DISP1: variants seen among roughly 807,000 people sequenced by gnomAD.
DISP1 encodes the protein protein dispatched homolog 1.
DISP1 carries 30 observed loss-of-function variants against 37.3 expected under a neutral mutation model. The observed-to-expected ratio is 0.80, with a 90% CI of 0.60 to 1.09. The LOEUF (loss-of-function observed/expected upper bound fraction) is 1.09. Among genes scored for constraint, DISP1 ranks in the 50% least tolerant of loss-of-function variants. DISP1 has a pLI of 0.00. For missense variants in DISP1, 1,598 were observed against 1,879.5 expected, an observed-to-expected ratio of 0.85 and a Z score of 2.77; for synonymous variants, 634 against 690.2, an observed-to-expected ratio of 0.92 and a Z score of 1.28.
intron 1 of DISP1, among the ~76,000 whole-genome samples, chr1:222,870,819 A>G (rs554718154): frequency 6.6e-6 from 1 of 151,706 alleles, no homozygotes; most frequent in East Asian, 1.9e-4. Context: ...TCAATTTTGG[A>G]TTTTGTTGCC....
intron 8 of DISP1, 122 bp downstream of exon 8, chr1:222,995,104 A>T: frequency 1.3e-6 from 1 of 766,900 alleles, no homozygotes; most frequent in East Asian, 2.5e-5. Context: ...CCTACTGAGG[A>T]GTAAACTCCA....
At chr1:222,992,366 A>C (rs1678764937) in intron 7 of DISP1, among the ~76,000 whole-genome samples, 1 of 152,212 alleles carries the variant, frequency 6.6e-6, no homozygotes. Context: ...GGAAGATATA[A>C]ATCTAATGAA....
chr1:222,823,672 A>T (rs968063636), intron 1 of DISP1, among the ~76,000 whole-genome samples: 25 of 152,212 alleles, frequency 1.6e-4, no homozygotes, highest in African/African-American at 6.0e-4. Context: ...TATGCAAATA[A>T]ATAAAAATAA....
intron 1 of DISP1, among the ~76,000 whole-genome samples, chr1:222,922,086 C>T (rs142815140): frequency 6.4e-4 from 98 of 152,236 alleles, no homozygotes; most frequent in Non-Finnish European, 1.1e-3. Context: ...GAGACTAGCA[C>T]AAGCACTGAG....
intron 1 of DISP1, among the ~76,000 whole-genome samples, chr1:222,892,044 GT>G (rs1670973895): frequency 6.6e-6 from 1 of 152,008 alleles, no homozygotes; most frequent in African/African-American, 2.4e-5. Context: ...ATAAAGATAC[GT>G]AAGAGAAGTG....
chr1:222,852,144 A>G (rs1668281987), intron 1 of DISP1, among the ~76,000 whole-genome samples: 1 of 152,142 alleles, frequency 6.6e-6, no homozygotes, highest in African/African-American at 2.4e-5. Flanking sequence ...AGATCGCGCC[A>G]TCGCACTCCA....
chr1:222,974,593 T>G (rs1426690896), intron 3 of DISP1, among the ~76,000 whole-genome samples: 1 of 152,198 alleles, frequency 6.6e-6, no homozygotes, highest in East Asian at 1.9e-4. Flanking sequence ...TTAACAGTTC[T>G]AGACACCAAG....
chr1:222,864,480 AT>A (rs571929663), intron 1 of DISP1, among the ~76,000 whole-genome samples: 2 of 150,722 alleles, frequency 1.3e-5, no homozygotes, highest in South Asian at 2.1e-4. Flanking sequence ...GAGTCCTCTC[AT>A]TTTTTTTTGC....
At chr1:222,978,688 A>C (rs1407568896) in intron 3 of DISP1, among the ~76,000 whole-genome samples, 1 of 152,052 alleles carries the variant, frequency 6.6e-6, no homozygotes, top group African/African-American at 2.4e-5. Flanking sequence ...ATCTTGAATT[A>C]ATTTTTGTAT....
At position 223,002,974 on chromosome 1, in the gene DISP1, T is replaced by C; in HGVS notation, c.1577T>C (p.Phe526Ser). The C allele has an allele frequency of 1.2e-6, 2 of 1,613,978 alleles. No individual in the cohort carries two copies. Among genetic ancestry groups the C allele is most frequent in the African/African-American group, 1.3e-5 (1 of 75,078 alleles). The change falls in exon 9 of 9, where the codon TTT becomes TCT. Residue 526 changes from phenylalanine (F) to serine (S), a missense_variant. Transcript: ENST00000675850. ...ATGTGTGTCTACACCAAGTCCATGT[T>C]TATCACTCTGATGACAATGTTTGCA... ...LVMCVYTKSM[F>S]ITLMTMFAII... is the part of the protein sequence containing the mutation.
At chr1:222,981,048 A>T (rs1188575029) in intron 3 of DISP1, among the ~76,000 whole-genome samples, 1 of 152,258 alleles carries the variant, frequency 6.6e-6, no homozygotes, top group Non-Finnish European at 1.5e-5. Flanking sequence ...ACTGCACTCC[A>T]GCCTGGGCAA....
In DISP1 at chr1:222,893,128, C is replaced by T. The variant is rs899033150; in HGVS notation, c.-158-35302C>T. Among the ~76,000 whole-genome samples the T allele has an allele frequency of 2.0e-5, 3 of 152,132 alleles. No individual in the cohort carries two copies. The highest frequency in any genetic ancestry group is 2.1e-4 in the South Asian group (1 of 4,818). Reference sequence around the variant, plus strand: ...GATCATTTTTATGTTACGAAAATATCGATCTTATCACAATACCACAATATA... The same window carrying T: ...GATCATTTTTATGTTACGAAAATATTGATCTTATCACAATACCACAATATA... On this transcript the variant is annotated intron_variant, in intron 1 of 8. Transcript: ENST00000675850. The surrounding 1 kb of genome is among the most constrained non-coding windows in gnomAD (Gnocchi z 4.3).
At chr1:222,923,641 G>GAGC (rs1672928436) in intron 1 of DISP1, among the ~76,000 whole-genome samples, 1 of 152,110 alleles carries the variant, frequency 6.6e-6, no homozygotes, top group Non-Finnish European at 1.5e-5. Flanking sequence ...TTAAGGTAGG[G>GAGC]AGCATGAGAA....
chr1:222,817,905 A>G (rs945268115), intron 1 of DISP1, among the ~76,000 whole-genome samples: 8 of 152,200 alleles, frequency 5.3e-5, no homozygotes, highest in African/African-American at 1.9e-4. Flanking sequence ...TATTGTTTTA[A>G]AAATACTTTT....
chr1:222,976,765 G>T (rs79917129), intron 3 of DISP1, among the ~76,000 whole-genome samples: 7,079 of 152,128 alleles, frequency 0.047, 565 homozygotes, highest in African/African-American at 0.16. Context: ...CAACCCAAAT[G>T]TCTGTAACAA....
intron 1 of DISP1, among the ~76,000 whole-genome samples, chr1:222,885,203 T>G (rs887187135): frequency 1.3e-5 from 2 of 152,168 alleles, no homozygotes; most frequent in Non-Finnish European, 2.9e-5. Context: ...GGAAGATCCA[T>G]TTCTTCTTCC....
At chr1:222,880,706 G>A (rs898251806) in intron 1 of DISP1, among the ~76,000 whole-genome samples, 1 of 152,132 alleles carries the variant, frequency 6.6e-6, no homozygotes, top group Non-Finnish European at 1.5e-5. Context: ...CTGGTGGAAA[G>A]AGTTGATTTC....
intron 1 of DISP1, among the ~76,000 whole-genome samples, chr1:222,845,326 G>A (rs552040339): frequency 2.6e-5 from 4 of 152,074 alleles, no homozygotes; most frequent in Non-Finnish European, 5.9e-5. Context: ...AAAAAGAAGT[G>A]GAAGACAATT....
intron 3 of DISP1, among the ~76,000 whole-genome samples, chr1:222,974,245 CA>C (rs1454867687): frequency 6.6e-6 from 1 of 152,098 alleles, no homozygotes; most frequent in Non-Finnish European, 1.5e-5. Context: ...AAAACTGTTA[CA>C]CACACCAGCT....
Sources: allele counts gnomAD v4.1 joint callset (sites outside exome capture counted in the v4.1 genomes callset), GRCh38; gene constraint gnomAD v4.1.1; non-coding constraint Gnocchi (gnomAD v3.1); transcripts MANE v1.5; gene names NCBI Gene and HGNC (gene_info 2026-07-23, HGNC 2026-07-21).